SBF2: variants seen among roughly 807,000 people sequenced by gnomAD.
SBF2 encodes the protein SET binding factor 2.
In SBF2, 112 loss-of-function variants were observed where a neutral mutation model predicts 225.2. That is an observed-to-expected ratio of 0.50 (90% CI 0.43 to 0.58). The LOEUF is 0.58. SBF2 is among the 20% of genes least tolerant of loss of function. The pLI is 0.00. For missense variants in SBF2, 1,996 were observed against 2,206.2 expected (o/e 0.90, Z 1.91); for synonymous variants, 763 against 773.3 (o/e 0.99, Z 0.22).
intron 1 of SBF2, among the ~76,000 whole-genome samples, chr11:10,286,089 T>A (rs10840385): frequency 0.49 from 74,635 of 151,412 alleles, 18,740 homozygotes; most frequent in Non-Finnish European, 0.54. Context: ...CAGCCTCCCA[T>A]AGTGATGGGA....
chr11:10,301,566 T>C (rs906576585), intron 1 of SBF2, among the ~76,000 whole-genome samples: 3 of 152,234 alleles, frequency 2.0e-5, no homozygotes, highest in African/African-American at 4.8e-5. Flanking sequence ...AATTTCCTGT[T>C]TGATAAAGGA....
At chr11:9,833,977 T>G (rs1209135562) in intron 26 of SBF2, among the ~76,000 whole-genome samples, 1 of 149,224 alleles carries the variant, frequency 6.7e-6, no homozygotes, top group Non-Finnish European at 1.5e-5. Flanking sequence ...TCCATGTTGG[T>G]CAGGCTGTCT....
intron 2 of SBF2, among the ~76,000 whole-genome samples, chr11:10,078,401 T>A (rs1353825239): frequency 6.6e-6 from 1 of 151,480 alleles, no homozygotes; most frequent in Non-Finnish European, 1.5e-5. Context: ...AATGATAGAG[T>A]GGATAAAGAA....
chr11:10,018,800 A>G (rs1173252716), intron 6 of SBF2, among the ~76,000 whole-genome samples: 3 of 152,236 alleles, frequency 2.0e-5, no homozygotes, highest in African/African-American at 7.2e-5. Context: ...TTATAGAACT[A>G]GCATAAATAT....
chr11:9,781,410 T>C lies in SBF2; in HGVS notation c.5451+97A>G, dbSNP rs117305689. On this transcript the variant is annotated intron_variant, in intron 39 of 39. Transcript: ENST00000256190. Reference sequence around the variant, plus strand: ...GCCAAGGGGGTCTGTCATCCATCTGTAGTCACCACCAATTACTCTGAGGGC... The same window carrying C: ...GCCAAGGGGGTCTGTCATCCATCTGCAGTCACCACCAATTACTCTGAGGGC... 8.7e-3 allele frequency: 13,280 copies of C among 1,518,958 alleles called. 82 individuals carry two copies. The highest frequency in any genetic ancestry group is 0.011 in the Non-Finnish European group (11,675 of 1,097,658). The allele number at this position is 1,518,958 out of a possible 1,614,324, so 94.1% of individuals were successfully genotyped here. A position where few individuals can be genotyped will look rare whatever the true frequency, so the allele number is the denominator to read the frequency against.
chr11:10,289,940 C>T (rs560599301), intron 1 of SBF2, among the ~76,000 whole-genome samples: 6 of 152,098 alleles, frequency 3.9e-5, no homozygotes, highest in Non-Finnish European at 7.4e-5. Flanking sequence ...GCAGTACAGT[C>T]GGCTGCCTCA....
At chr11:10,196,858 A>ATTTT (rs1268280949) in intron 1 of SBF2, among the ~76,000 whole-genome samples, 22 of 17,098 alleles carry the variant, frequency 1.3e-3, no homozygotes, top group African/African-American at 1.8e-3. Flanking sequence ...ATATATATAT[A>ATTTT]TATATATATT....
intron 17 of SBF2, among the ~76,000 whole-genome samples, chr11:9,874,510 A>C (rs1353039677): frequency 6.6e-6 from 1 of 152,238 alleles, no homozygotes. Context: ...TTGACTAAAA[A>C]GCTTAAGACT....
At chr11:10,235,439 A>T (rs2135446754) in intron 1 of SBF2, among the ~76,000 whole-genome samples, 1 of 152,014 alleles carries the variant, frequency 6.6e-6, no homozygotes, top group African/African-American at 2.4e-5. Flanking sequence ...AGGCAGGAGA[A>T]TCGCTTGAAC....
intron 25 of SBF2, among the ~76,000 whole-genome samples, chr11:9,841,005 C>T (rs1856095903): frequency 6.6e-6 from 1 of 151,522 alleles, no homozygotes. Flanking sequence ...AATTTACTTC[C>T]CTATTTATTT....
At chr11:9,864,384 G>A (rs911912126) in intron 17 of SBF2, among the ~76,000 whole-genome samples, 8 of 152,238 alleles carry the variant, frequency 5.3e-5, no homozygotes, top group South Asian at 4.1e-4. Flanking sequence ...TGGGATGAAT[G>A]GATTGAAGTC....
intron 2 of SBF2, among the ~76,000 whole-genome samples, chr11:10,049,472 T>G (rs929579475): frequency 1.3e-5 from 2 of 152,084 alleles, no homozygotes; most frequent in African/African-American, 4.8e-5. Flanking sequence ...CTGGGTGTGG[T>G]GGCACATATC....
chr11:10,057,051 C>T (rs1276675628), intron 2 of SBF2, among the ~76,000 whole-genome samples: 1 of 152,190 alleles, frequency 6.6e-6, no homozygotes, highest in Admixed American at 6.5e-5. Context: ...TGGGACAAAG[C>T]TCCCAGAGGG....
At chr11:10,010,587 A>C (rs1049551796) in intron 6 of SBF2, among the ~76,000 whole-genome samples, 1 of 152,032 alleles carries the variant, frequency 6.6e-6, no homozygotes, top group Non-Finnish European at 1.5e-5. Context: ...GTTCTGTCCC[A>C]TTGGTCTATG....
At chr11:10,094,928 C>A (rs1306841113) in intron 2 of SBF2, among the ~76,000 whole-genome samples, 1 of 151,422 alleles carries the variant, frequency 6.6e-6, no homozygotes, top group South Asian at 2.1e-4. Flanking sequence ...AAAAGGAATC[C>A]CACACAATCA....
chr11:10,163,745 C>G (rs1462744692), intron 2 of SBF2, among the ~76,000 whole-genome samples: 1 of 152,058 alleles, frequency 6.6e-6, no homozygotes, highest in Non-Finnish European at 1.5e-5. Flanking sequence ...ACTTAATATA[C>G]ATAGAGTGCT....
rs769911496 is a variant in SBF2 at position 9,968,528 on chromosome 11, A to C, written c.1413T>G (p.His471Gln). The C allele has an allele frequency of 1.5e-5, 25 of 1,613,818 alleles. No homozygotes were observed. In the Admixed American group the frequency reaches 1.8e-4, roughly 12 times the overall value. The change falls in exon 14 of 40, where the codon CAT becomes CAG. Residue 471 changes from histidine to glutamine, a missense_variant. Physicochemically the swap from His to Gln is conservative, Grantham distance 24. Coordinates refer to ENST00000256190, the MANE Select transcript of SBF2 (RefSeq NM_030962.4). ...GCCGTGGAACTTTCTGGAATGCCATATGAGGATTTGGATTCTCCTGTAATA... is the reference window on the plus strand; with the variant it reads ...GCCGTGGAACTTTCTGGAATGCCATCTGAGGATTTGGATTCTCCTGTAATA... ...QLFKNENPNP[H>Q]MAFQKVPRPT...
intron 2 of SBF2, among the ~76,000 whole-genome samples, chr11:10,156,844 A>T (rs1955500237): frequency 6.6e-6 from 1 of 152,240 alleles, no homozygotes; most frequent in African/African-American, 2.4e-5. Context: ...CATACTGCCC[A>T]AAGTAATTTA....
intron 3 of SBF2, among the ~76,000 whole-genome samples, chr11:10,037,080 T>C (rs975638756): frequency 1.1e-4 from 17 of 152,290 alleles, no homozygotes; most frequent in African/African-American, 4.1e-4. Flanking sequence ...AGTTTTTCCC[T>C]ACAAAATACA....
Sources: gnomAD v4.1 joint callset for allele counts (sites outside exome capture counted in the v4.1 genomes callset) on GRCh38, gnomAD v4.1.1 for gene constraint, MANE v1.5 for transcripts, NCBI Gene and HGNC (gene_info 2026-07-23, HGNC 2026-07-21) for gene names.